COL22A1: variants seen among roughly 807,000 people sequenced by gnomAD.
The protein encoded by COL22A1 is collagen type XXII alpha 1 chain.
A neutral mutation model predicts 248.9 loss-of-function variants in COL22A1; 221 were observed. The ratio of observed to expected loss-of-function variants is 0.89; its 90% CI spans 0.80 to 0.99. The LOEUF (loss-of-function observed/expected upper bound fraction) is 0.99. COL22A1 is among the 50% of genes least tolerant of loss of function. The pLI, the probability that COL22A1 is intolerant of heterozygous loss-of-function variation, is 0.00. For missense variants in COL22A1, 2,240 were observed against 2,179.0 expected, an observed-to-expected ratio of 1.03 and a Z score of -0.56; for synonymous variants, 891 against 793.4, an observed-to-expected ratio of 1.12 and a Z score of -2.07.
chr8:138,722,847 G>GGGT (rs1554601683), intron 25 of COL22A1, among the ~76,000 whole-genome samples: 1 of 91,680 alleles, frequency 1.1e-5, no homozygotes, highest in East Asian at 3.9e-4. Context: ...GGTCACATGG[G>GGGT]GGCGGGGGGG....
At chr8:138,709,053 G>T (rs991404412) in intron 30 of COL22A1, among the ~76,000 whole-genome samples, 1 of 152,166 alleles carries the variant, frequency 6.6e-6, no homozygotes, top group Non-Finnish European at 1.5e-5. Flanking sequence ...ATCATTGCTG[G>T]TCATCAGAGA....
intron 60 of COL22A1, 33 bp downstream of exon 60, chr8:138,602,082 G>T (rs572229489): frequency 6.2e-7 from 1 of 1,613,486 alleles, no homozygotes; most frequent in Non-Finnish European, 8.5e-7. Flanking sequence ...GGTCGCGTTC[G>T]GCGTGTTCAA....
intron 16 of COL22A1, 110 bp from the exon 17 acceptor site, chr8:138,762,576 C>T: frequency 1.1e-6 from 1 of 873,824 alleles, no homozygotes; most frequent in South Asian, 1.5e-5. Flanking sequence ...GGAAAAGGTG[C>T]CAAACGCACG....
intron 12 of COL22A1, among the ~76,000 whole-genome samples, chr8:138,785,387 G>T (rs1191020405): frequency 6.6e-6 from 1 of 151,060 alleles, no homozygotes; most frequent in African/African-American, 2.5e-5. Context: ...CAGTCCATGA[G>T]ACACATCCCT....
intron 16 of COL22A1, 130 bp from the exon 17 acceptor site, chr8:138,762,596 A>ACG: frequency 1.6e-6 from 1 of 639,928 alleles, no homozygotes; most frequent in Non-Finnish European, 2.7e-6. Context: ...GTGCACACAC[A>ACG]CACACACACA....
intron 16 of COL22A1, among the ~76,000 whole-genome samples, chr8:138,768,595 T>C (rs1273123664): frequency 6.6e-6 from 1 of 152,182 alleles, no homozygotes; most frequent in Non-Finnish European, 1.5e-5. Context: ...ATTTGTGAGA[T>C]AACATAGGTG....
Position 138,646,633 on chromosome 8 carries a change from G to A in COL22A1, c.3497C>T (p.Pro1166Leu). The change falls in exon 47 of 65, where the codon CCA becomes CTA. Residue 1166 changes from proline (P) to leucine (L), a missense_variant. Transcript: ENST00000303045. ...TGGTTATGAAGTCTCACTGACCTGT[G>A]GTCCAGCTATTCCTGGGGGCCCTGG... Reference protein sequence around the residue: ...GLPGPPGIAGPQGSQGERGAD... With the variant: ...GLPGPPGIAGLQGSQGERGAD... The A allele has an allele frequency of 6.3e-6, 10 of 1,583,016 alleles. No homozygotes were observed. Among genetic ancestry groups the A allele is most frequent in the Non-Finnish European group, 8.6e-6 (10 of 1,163,756 alleles).
At chr8:138,907,836 C>T (rs956916010) in intron 1 of COL22A1, among the ~76,000 whole-genome samples, 2 of 152,204 alleles carry the variant, frequency 1.3e-5, no homozygotes, top group Non-Finnish European at 2.9e-5. Context: ...AACCCACTCA[C>T]ACAAGAACTA....
At chr8:138,763,016 CCT>C (rs1180746718) in intron 16 of COL22A1, among the ~76,000 whole-genome samples, 3 of 152,162 alleles carry the variant, frequency 2.0e-5, no homozygotes, top group East Asian at 1.9e-4. Flanking sequence ...AGTCACTTCA[CCT>C]CTCTGAGAGT....
At chr8:138,684,259 GA>G (rs5895552) in intron 39 of COL22A1, among the ~76,000 whole-genome samples, 165 bp downstream of exon 39, 34,666 of 130,540 alleles carry the variant, frequency 0.27, 4,704 homozygotes, top group African/African-American at 0.42. Flanking sequence ...GTAAGATTTC[GA>G]AAAAAAAAAA....
At chr8:138,830,683 TA>T (rs1450483726) in intron 5 of COL22A1, among the ~76,000 whole-genome samples, 1 of 152,256 alleles carries the variant, frequency 6.6e-6, no homozygotes, top group Non-Finnish European at 1.5e-5. Flanking sequence ...CTTAGAAGGT[TA>T]GCAGAGTGGT....
At position 138,626,250 on chromosome 8, in the gene COL22A1, G is replaced by T; in HGVS notation, c.3664-7C>A. ...CAGGAGGGCCTTCTTTCCCCTAAAA[G>T]ATCCAAGACATAAAAACACCATGAA... On this transcript the variant is annotated splice_polypyrimidine_tract_variant and splice_region_variant and intron_variant, in intron 50 of 64. Coordinates refer to ENST00000303045, the MANE Select transcript of COL22A1 (RefSeq NM_152888.3). 2 of 1,607,334 alleles carry T rather than the reference G, an allele frequency of 1.2e-6. No individual in the cohort carries two copies. Among genetic ancestry groups the T allele is most frequent in the East Asian group, 4.5e-5 (2 of 44,590 alleles).
At chr8:138,715,659 G>T (rs745944069) in intron 30 of COL22A1, 23 bp downstream of exon 30, 4 of 1,591,152 alleles carry the variant, frequency 2.5e-6, no homozygotes, top group Non-Finnish European at 3.4e-6. Flanking sequence ...TTGATGGTCA[G>T]AATGAGAGCA....
At position 138,871,503 on chromosome 8, in the gene COL22A1, G is replaced by A. The variant is rs79597642; in HGVS notation, c.658+6247C>T. Reference sequence around the variant, plus strand: ...TCCTCCAAGAGACCCACTTCACTGGGTTTCTCAGCTTTGAAGCACTTATCA... The same window carrying A: ...TCCTCCAAGAGACCCACTTCACTGGATTTCTCAGCTTTGAAGCACTTATCA... On this transcript the variant is annotated intron_variant, in intron 3 of 64. Coordinates refer to ENST00000303045, the MANE Select transcript of COL22A1 (RefSeq NM_152888.3). Among the ~76,000 whole-genome samples the A allele has an allele frequency of 6.5e-3, 988 of 152,286 alleles. 11 individuals carry two copies. Among genetic ancestry groups the A allele is most frequent in the African/African-American group, 0.023 (955 of 41,564 alleles).
At chr8:138,851,738 C>T (rs1411144921) in intron 3 of COL22A1, among the ~76,000 whole-genome samples, 1 of 152,164 alleles carries the variant, frequency 6.6e-6, no homozygotes, top group African/African-American at 2.4e-5. Context: ...CCTTCTGAGA[C>T]CAAACCTTCC....
intron 9 of COL22A1, among the ~76,000 whole-genome samples, chr8:138,809,538 TGAGA>T (rs1818025041): frequency 6.7e-6 from 1 of 149,322 alleles, no homozygotes. Flanking sequence ...CTTTTTTTTT[TGAGA>T]CAGAGTCTCA....
At chr8:138,805,747 T>G (rs1172164961) in intron 10 of COL22A1, among the ~76,000 whole-genome samples, 3 of 144,260 alleles carry the variant, frequency 2.1e-5, no homozygotes, top group African/African-American at 7.9e-5. Flanking sequence ...TATGTGATGG[T>G]GTGTGTGTGT....
chr8:138,729,403 T>A (rs1359251877), intron 23 of COL22A1, among the ~76,000 whole-genome samples: 1 of 152,152 alleles, frequency 6.6e-6, no homozygotes, highest in East Asian at 1.9e-4. Context: ...ATCTCCCTGG[T>A]AAGACCACAG....
At chr8:138,895,525 A>G (rs895557825) in intron 1 of COL22A1, among the ~76,000 whole-genome samples, 1 of 152,182 alleles carries the variant, frequency 6.6e-6, no homozygotes, top group African/African-American at 2.4e-5. Flanking sequence ...TTTAGAAAAC[A>G]TAGAGCAGGC....
Sources: allele counts gnomAD v4.1 joint callset (sites outside exome capture counted in the v4.1 genomes callset), GRCh38; gene constraint gnomAD v4.1.1; transcripts MANE v1.5; gene names NCBI Gene and HGNC (gene_info 2026-07-23, HGNC 2026-07-21).